Variants in CCNF observed in about 807,000 individuals in gnomAD.
CCNF encodes cyclin F.
A neutral mutation model predicts 85.4 loss-of-function variants in CCNF; 30 were observed. That is an observed-to-expected ratio of 0.35 (90% CI 0.26 to 0.48). The LOEUF is 0.48. Ranked by LOEUF, CCNF falls within the 20% of genes least tolerant of loss-of-function variation. The probability of loss-of-function intolerance (pLI) is 0.99; values close to 1 mark genes in which losing one functional copy is unlikely to be tolerated. For synonymous variants in CCNF, 439 were observed against 425.1 expected, an observed-to-expected ratio of 1.03 and a Z score of -0.40; for missense variants, 919 against 1,010.4, an observed-to-expected ratio of 0.91 and a Z score of 1.23.
intron 9 of CCNF, 124 bp downstream of exon 9, chr16:2,443,924 CTTTT>C: frequency 3.5e-6 from 2 of 570,436 alleles, no homozygotes; most frequent in South Asian, 2.7e-5. Flanking sequence ...CCTTATCACC[CTTTT>C]TTTTTTTTTG....
At chr16:2,442,060 C>T (rs1265524886) in intron 8 of CCNF, among the ~76,000 whole-genome samples, 2 of 143,368 alleles carry the variant, frequency 1.4e-5, no homozygotes, top group Non-Finnish European at 3.0e-5. Context: ...GGCTGGAGCG[C>T]AGTGGCACAA....
At chr16:2,446,660 A>G (rs947984621) in intron 10 of CCNF, among the ~76,000 whole-genome samples, 3 of 152,244 alleles carry the variant, frequency 2.0e-5, no homozygotes, top group Non-Finnish European at 4.4e-5. Flanking sequence ...TTGGCTGCAC[A>G]CAGCATATGT....
At chr16:2,445,406 G>T in intron 9 of CCNF, 52 bp from the exon 10 acceptor site, 1 of 1,598,968 alleles carries the variant, frequency 6.3e-7, no homozygotes, top group Non-Finnish European at 8.6e-7. Context: ...ATCGCAGACA[G>T]GGACACATGG....
chr16:2,443,397 CTG>C (rs376214130), intron 8 of CCNF, among the ~76,000 whole-genome samples: 2 of 151,696 alleles, frequency 1.3e-5, no homozygotes, highest in African/African-American at 4.8e-5. Context: ...ATGTAAGAAA[CTG>C]AGACCTGAGC....
intron 6 of CCNF, 118 bp from the exon 7 acceptor site, chr16:2,439,235 T>G: frequency 2.6e-6 from 2 of 759,854 alleles, no homozygotes; most frequent in South Asian, 1.8e-5. Context: ...GAGGCGGAGG[T>G]TGCAGTGAGC....
At position 2,435,666 on chromosome 16, in the gene CCNF, CATATATATAT is replaced by C. The variant is rs71148135; in HGVS notation, c.279-111_279-102del. ...ACACATATATATATGCACACACACA[CATATATATAT>C]ATATATATATATATATATATATATA... On this transcript the variant is annotated intron_variant, in intron 3 of 16. Transcript: ENST00000397066. 108 of 42,710 alleles carry C rather than the reference CATATATATAT, an allele frequency of 2.5e-3. 1 individual carries two copies. The highest frequency in any genetic ancestry group is 3.1e-3 in the Non-Finnish European group (86 of 27,408). The allele number at this position is 42,710 out of a possible 1,614,324, so 2.6% of individuals were successfully genotyped here. A position where few individuals can be genotyped will look rare whatever the true frequency, so the allele number is the denominator to read the frequency against.
chr16:2,440,951 G>A (rs796189263), intron 8 of CCNF, among the ~76,000 whole-genome samples: 2 of 152,092 alleles, frequency 1.3e-5, no homozygotes, highest in Non-Finnish European at 2.9e-5. Context: ...TAGCTGGATG[G>A]GCTGGGTGCA....
intron 9 of CCNF, 38 bp downstream of exon 9, chr16:2,443,838 G>T (rs190773640): frequency 5.0e-6 from 8 of 1,592,552 alleles, no homozygotes; most frequent in Non-Finnish European, 6.9e-6. Context: ...TCAGAGCGGC[G>T]CGGAAGCCAG....
In CCNF at chr16:2,445,443, C is replaced by A; in HGVS notation, c.930-15C>A. On this transcript the variant is annotated splice_polypyrimidine_tract_variant and intron_variant, in intron 9 of 16. Transcript: ENST00000397066. ...GAACGCCCCCACCAGTTCCCACGTGCTTCTCTTTCCGCAGGTACATTCTGA... is the reference window on the plus strand; with the variant it reads ...GAACGCCCCCACCAGTTCCCACGTGATTCTCTTTCCGCAGGTACATTCTGA... 1 of 1,613,800 alleles carries A rather than the reference C, an allele frequency of 6.2e-7. No homozygotes were observed. The highest frequency in any genetic ancestry group is 8.5e-7 in the Non-Finnish European group (1 of 1,179,802).
In CCNF at chr16:2,451,247, G is replaced by A. The variant is rs532611937; in HGVS notation, c.1487+1332G>A. Among the ~76,000 whole-genome samples, 157 of 152,320 alleles carry A rather than the reference G, an allele frequency of 1.0e-3. 2 individuals carry two copies. In the Middle Eastern group the frequency reaches 0.017, roughly 16 times the overall value. On this transcript the variant is annotated intron_variant, in intron 13 of 16. Coordinates refer to ENST00000397066, the MANE Select transcript of CCNF (RefSeq NM_001761.3). This position sits in a 1 kb window ranked among gnomAD's most constrained non-coding sequence, Gnocchi z 4.3. The stretch of plus-strand genomic sequence containing the variant: ...GCGCGCGGGGCAGGTGGCGCGGGCG[G>A]GGGCGACTCCCTTCAGGGAGCGTAG...
intron 10 of CCNF, 37 bp downstream of exon 10, chr16:2,445,659 C>CT: frequency 6.3e-7 from 1 of 1,594,300 alleles, no homozygotes; most frequent in Non-Finnish European, 8.5e-7. Context: ...CAGGGACGTG[C>CT]TGGCCTTTCC....
rs771041686 is a variant in CCNF, at chr16:2,456,647, A to G, written c.1988A>G (p.Lys663Arg). 11 of 1,612,884 alleles carry G rather than the reference A, an allele frequency of 6.8e-6. No homozygotes were observed. The highest frequency in any genetic ancestry group is 1.7e-5 in the Admixed American group (1 of 59,894). Residue 663 changes from lysine to arginine, a missense_variant, in exon 17 of 17, where the codon AAG becomes AGG. Around this residue, in one of 3 missense-constraint regions of CCNF, gnomAD observed 505 missense variants for 514.8 expected, o/e 0.98. Coordinates refer to ENST00000397066, the MANE Select transcript of CCNF (RefSeq NM_001761.3). The surrounding 1 kb of genome is among the most constrained non-coding windows in gnomAD (Gnocchi z 4.5). ...SSDEEACPED[K>R]GPQDPQALAL... The stretch of plus-strand genomic sequence containing the variant: ...GATGAGGAGGCTTGTCCAGAGGACA[A>G]GGGACCCCAGGACCCACAGGCACTG...
intron 10 of CCNF, among the ~76,000 whole-genome samples, chr16:2,447,570 C>T (rs909372469): frequency 7.2e-5 from 11 of 151,842 alleles, no homozygotes; most frequent in African/African-American, 2.4e-4. Flanking sequence ...GGCAATGGCG[C>T]AAGACTCTGT....
chr16:2,435,927 G>T, intron 4 of CCNF, 54 bp downstream of exon 4: 1 of 1,352,822 alleles, frequency 7.4e-7, no homozygotes, highest in Non-Finnish European at 1.1e-6. Flanking sequence ...TGAGCCTTTG[G>T]CCCTATGAAG....
intron 8 of CCNF, 87 bp from the exon 9 acceptor site, chr16:2,443,562 T>C (rs2065344184): frequency 5.1e-6 from 7 of 1,371,878 alleles, no homozygotes; most frequent in Non-Finnish European, 7.2e-6. Context: ...CCACATGCAT[T>C]TGGTGCCTGA....
rs1446392024 is a variant in CCNF, at chr16:2,451,159, C to G, written c.1487+1244C>G. 1.3e-5 allele frequency among the ~76,000 whole-genome samples: 2 copies of G among 152,232 alleles called. No homozygotes were observed. The highest frequency in any genetic ancestry group is 1.5e-5 in the Non-Finnish European group (1 of 68,048). ...TGAAGTCCCTACCGTGGTCCAGGCG[C>G]TGGGGGAGAGGGCAGGACAGAGAGT... On this transcript the variant is annotated intron_variant, in intron 13 of 16. Coordinates refer to ENST00000397066, the MANE Select transcript of CCNF (RefSeq NM_001761.3). The surrounding 1 kb of genome is among the most constrained non-coding windows in gnomAD (Gnocchi z 4.3).
At chr16:2,454,118 A>T (rs1259854600) in intron 15 of CCNF, among the ~76,000 whole-genome samples, 1 of 152,256 alleles carries the variant, frequency 6.6e-6, no homozygotes, top group Middle Eastern at 3.4e-3. Context: ...CACCATGTGC[A>T]CCAGTAACCT....
intron 9 of CCNF, 91 bp downstream of exon 9, chr16:2,443,891 T>G: frequency 8.2e-7 from 1 of 1,220,978 alleles, no homozygotes. Flanking sequence ...CCCAGTTACC[T>G]GTGACAGGGC....
At position 2,452,260 on chromosome 16, in the gene CCNF, T is replaced by C. The variant is rs1318644741; in HGVS notation, c.1488-950T>C. ...AGCCCCTTCTGTGGCCCATCTGCTT[T>C]TTCTCCCACCATGCTGTGCTCCAGC... is the stretch of plus-strand genomic sequence containing the variant. On this transcript the variant is annotated intron_variant, in intron 13 of 16. Coordinates refer to ENST00000397066, the MANE Select transcript of CCNF (RefSeq NM_001761.3). The surrounding 1 kb of genome is among the most constrained non-coding windows in gnomAD (Gnocchi z 4.1). Among the ~76,000 whole-genome samples, 1 of 152,148 alleles carries C rather than the reference T, an allele frequency of 6.6e-6. No individual in the cohort carries two copies. Among genetic ancestry groups the C allele is most frequent in the African/African-American group, 2.4e-5 (1 of 41,430 alleles).
Sources: gnomAD v4.1 joint callset for allele counts (sites outside exome capture counted in the v4.1 genomes callset) on GRCh38, gnomAD v4.1.1 for gene constraint, gnomAD v4.1.1 regional missense constraint, Gnocchi (gnomAD v3.1) non-coding constraint, MANE v1.5 for transcripts, NCBI Gene and HGNC (gene_info 2026-07-23, HGNC 2026-07-21) for gene names.